CCSER1: variants seen among roughly 807,000 people sequenced by gnomAD.
CCSER1 encodes the protein serine-rich coiled-coil domain-containing protein 1.
In CCSER1, 41 loss-of-function variants were observed where a neutral mutation model predicts 82.0. That is an observed-to-expected ratio of 0.50 (90% CI 0.39 to 0.65). The LOEUF (loss-of-function observed/expected upper bound fraction) is 0.65, where lower values mean the gene tolerates loss of function less well. CCSER1 is among the 30% of genes least tolerant of loss of function. CCSER1 has a pLI of 0.00. For missense variants in CCSER1, 1,119 were observed against 1,064.2 expected (o/e 1.05, Z -0.72); for synonymous variants, 414 against 383.9 (o/e 1.08, Z -0.92).
At chr4:90,208,558 A>G (rs1739360865) in intron 1 of CCSER1, among the ~76,000 whole-genome samples, 1 of 151,996 alleles carries the variant, frequency 6.6e-6, no homozygotes, top group South Asian at 2.1e-4. Context: ...GTATGAAAAA[A>G]AACTCCTGCA....
chr4:90,835,917 C>G (rs1159247629), intron 8 of CCSER1, among the ~76,000 whole-genome samples: 1 of 152,138 alleles, frequency 6.6e-6, no homozygotes, highest in East Asian at 1.9e-4. Flanking sequence ...TTGCTCATTT[C>G]CAGTGACTCT....
chr4:90,824,985 A>G (rs1404730857), intron 8 of CCSER1, among the ~76,000 whole-genome samples: 2 of 152,204 alleles, frequency 1.3e-5, no homozygotes, highest in Non-Finnish European at 2.9e-5. Flanking sequence ...TGAATGTGAC[A>G]GTATCCTATG....
intron 6 of CCSER1, among the ~76,000 whole-genome samples, chr4:90,666,383 A>T (rs1474046800): frequency 6.6e-6 from 1 of 152,120 alleles, no homozygotes; most frequent in Non-Finnish European, 1.5e-5. Flanking sequence ...TGGTGGTTGA[A>T]TTTTACTGCA....
At chr4:90,704,220 C>T (rs1289792870) in intron 6 of CCSER1, among the ~76,000 whole-genome samples, 1 of 152,112 alleles carries the variant, frequency 6.6e-6, no homozygotes, top group Non-Finnish European at 1.5e-5. Flanking sequence ...TTTTATTTCT[C>T]CTTCACTTAT....
At chr4:90,714,749 A>G (rs1017026756) in intron 6 of CCSER1, among the ~76,000 whole-genome samples, 1 of 152,094 alleles carries the variant, frequency 6.6e-6, no homozygotes, top group Non-Finnish European at 1.5e-5. Flanking sequence ...AACAAGAGCA[A>G]GATAAAACCA....
intron 5 of CCSER1, among the ~76,000 whole-genome samples, chr4:90,555,681 A>G (rs1778045877): frequency 6.6e-6 from 1 of 152,106 alleles, no homozygotes; most frequent in Non-Finnish European, 1.5e-5. Flanking sequence ...AATAGTAACT[A>G]TTGTTTAAAG....
At chr4:91,407,968 T>C (rs1185961304) in intron 10 of CCSER1, among the ~76,000 whole-genome samples, 8 of 152,112 alleles carry the variant, frequency 5.3e-5, no homozygotes, top group Admixed American at 3.9e-4. Flanking sequence ...TCTATTGCCG[T>C]TTCAGTGAGG....
chr4:90,319,001 G>A (rs1213345037), intron 3 of CCSER1, among the ~76,000 whole-genome samples: 1 of 152,074 alleles, frequency 6.6e-6, no homozygotes, highest in Non-Finnish European at 1.5e-5. Flanking sequence ...TGTGAGCATC[G>A]AAATCCAAAG....
chr4:91,507,497 C>T (rs925868600), intron 10 of CCSER1, among the ~76,000 whole-genome samples: 3 of 151,922 alleles, frequency 2.0e-5, no homozygotes, highest in South Asian at 2.1e-4. Flanking sequence ...GACGCGATCT[C>T]GGCTCACTGC....
chr4:91,567,855 C>T (rs1762970137), intron 10 of CCSER1, among the ~76,000 whole-genome samples: 1 of 151,990 alleles, frequency 6.6e-6, no homozygotes, highest in Non-Finnish European at 1.5e-5. Flanking sequence ...GCATTTAGCC[C>T]ATTTACACTC....
intron 10 of CCSER1, among the ~76,000 whole-genome samples, chr4:91,528,556 T>C (rs1760880338): frequency 6.6e-6 from 1 of 152,194 alleles, no homozygotes. Context: ...GGTGGTTCTG[T>C]TGATGACAGA....
intron 9 of CCSER1, among the ~76,000 whole-genome samples, chr4:91,060,417 G>A (rs1395573717): frequency 2.6e-5 from 4 of 152,032 alleles, no homozygotes; most frequent in South Asian, 2.1e-4. Flanking sequence ...GTAATTTAAT[G>A]AGCAATATAA....
At chr4:91,412,091 G>T (rs1325830935) in intron 10 of CCSER1, among the ~76,000 whole-genome samples, 3 of 152,118 alleles carry the variant, frequency 2.0e-5, no homozygotes, top group African/African-American at 7.2e-5. Context: ...TGGGATTCAG[G>T]AAACTCCAGT....
intron 7 of CCSER1, among the ~76,000 whole-genome samples, chr4:90,801,989 CG>C (rs1162163791): frequency 2.0e-5 from 3 of 151,712 alleles, no homozygotes; most frequent in African/African-American, 7.3e-5. Context: ...GGAGGCCAAG[CG>C]GGGTGGATCA....
intron 8 of CCSER1, among the ~76,000 whole-genome samples, chr4:90,918,976 T>TA (rs1409897433): frequency 6.6e-6 from 1 of 151,446 alleles, no homozygotes; most frequent in Non-Finnish European, 1.5e-5. Context: ...ATTCCAAACT[T>TA]ACGCTCCAAA....
rs1178819473 is a variant in CCSER1 at position 90,309,069 on chromosome 4, C to T, written c.785C>T (p.Ala262Val). 2 of 1,613,836 alleles carry T rather than the reference C, an allele frequency of 1.2e-6. No individual in the cohort carries two copies. Among genetic ancestry groups the T allele is most frequent in the Admixed American group, 3.3e-5 (2 of 60,002 alleles). ...TTAQTPSEFL[A>V]LTEDSVSEMD... The stretch of plus-strand genomic sequence containing the variant: ...GCTCAGACACCTTCAGAATTTTTAG[C>T]CTTGACTGAAGATTCTGTGTCTGAA... The change falls in exon 2 of 11, where the codon GCC becomes GTC. Residue 262 changes from alanine (A) to valine (V), a missense_variant. Physicochemically the swap from Ala to Val is moderately conservative, Grantham distance 64 (BLOSUM62 0). Transcript: ENST00000509176.
At chr4:90,970,935 T>G (rs1201865587) in intron 9 of CCSER1, among the ~76,000 whole-genome samples, 2 of 151,586 alleles carry the variant, frequency 1.3e-5, no homozygotes, top group African/African-American at 4.9e-5. Context: ...CTAAAAGAAA[T>G]TTTATATCAA....
chr4:90,584,929 A>C (rs1038206822), intron 5 of CCSER1, among the ~76,000 whole-genome samples: 1 of 152,200 alleles, frequency 6.6e-6, no homozygotes, highest in Non-Finnish European at 1.5e-5. Flanking sequence ...ACCATTAAGA[A>C]AACTAAAATG....
chr4:91,096,145 C>G (rs1458531754), intron 10 of CCSER1, among the ~76,000 whole-genome samples: 1 of 152,170 alleles, frequency 6.6e-6, no homozygotes, highest in Non-Finnish European at 1.5e-5. Flanking sequence ...TATGTCCATC[C>G]TCATCTATCC....
Sources: gnomAD v4.1 joint callset for allele counts (sites outside exome capture counted in the v4.1 genomes callset) on GRCh38, gnomAD v4.1.1 for gene constraint, MANE v1.5 for transcripts, NCBI Gene and HGNC (gene_info 2026-07-23, HGNC 2026-07-21) for gene names.